Variants in DRG1 observed in about 807,000 individuals in gnomAD.
DRG1 encodes developmentally regulated GTP binding protein 1, also known as developmentally-regulated GTP-binding protein 1.
In DRG1, 19 loss-of-function variants were observed where a neutral mutation model predicts 38.8. That is an observed-to-expected ratio of 0.49 (90% CI 0.34 to 0.72). The LOEUF is 0.72. Ranked by LOEUF, DRG1 falls within the 30% of genes least tolerant of loss-of-function variation. The probability of loss-of-function intolerance (pLI) is 0.01; values close to 1 mark genes in which losing one functional copy is unlikely to be tolerated. For missense variants in DRG1, 299 were observed against 444.8 expected (o/e 0.67, Z 2.95); for synonymous variants, 167 against 157.5 (o/e 1.06, Z -0.45).
rs755430359 is a variant in DRG1 at position 31,420,369 on chromosome 22, C to T, written c.526C>T (p.Pro176Ser). The change falls in exon 5 of 9, where the codon CCC becomes TCC. Residue 176 changes from proline (P) to serine (S), a missense_variant. Physicochemically the swap from Pro to Ser is moderately conservative, Grantham distance 74. Coordinates refer to ENST00000331457, the MANE Select transcript of DRG1 (RefSeq NM_004147.4). ...EGFGIRLNSK[P>S]PNIGFKKKDK... ...CTTTGGCATTCGCTTGAACAGCAAA[C>T]CCCCCAACATTGGCTTTAAGAAGAA... The T allele has an allele frequency of 3.7e-6, 6 of 1,613,934 alleles. No individual in the cohort carries two copies. Among genetic ancestry groups the T allele is most frequent in the Non-Finnish European group, 3.4e-6 (4 of 1,180,014 alleles).
chr22:31,434,193 G>A lies in DRG1; in HGVS notation c.*222G>A, dbSNP rs2050159238. 2 of 502,932 alleles carry A rather than the reference G, an allele frequency of 4.0e-6. No homozygotes were observed. Among genetic ancestry groups the A allele is most frequent in the Non-Finnish European group, 7.3e-6 (2 of 275,586 alleles). The allele number at this position is 502,932 out of a possible 1,614,324, so 31.2% of individuals were successfully genotyped here. A position where few individuals can be genotyped will look rare whatever the true frequency, so the allele number is the denominator to read the frequency against. ...GGCTGGTCAGCTACATGCAGCTCAT[G>A]TGTCATTGTCAGAATTTGTTTTGGG... On this transcript the variant is annotated 3_prime_UTR_variant, in exon 9 of 9. Transcript: ENST00000331457.
rs139198951 is a variant in DRG1 at position 31,433,926 on chromosome 22, C to T, written c.1059C>T (p.Asp353=). 4.7e-5 allele frequency: 76 copies of T among 1,613,970 alleles called. No homozygotes were observed. The highest frequency in any genetic ancestry group is 6.0e-5 in the Non-Finnish European group (71 of 1,179,962). The part of the protein sequence containing the change: ...VKHNPQKVGK[D]HTLEDEDVIQ... ...ACAATCCTCAGAAAGTGGGTAAAGA[C>T]CATACGTTGGAGGATGAGGATGTCA... The change falls in exon 9 of 9, where the codon GAC becomes GAT. Residue 353 remains aspartate (D), a synonymous_variant. Coordinates refer to ENST00000331457, the MANE Select transcript of DRG1 (RefSeq NM_004147.4).
intron 1 of DRG1, 144 bp downstream of exon 1, chr22:31,399,869 C>G (rs1237183772): frequency 4.9e-6 from 6 of 1,216,744 alleles, no homozygotes; most frequent in Non-Finnish European, 7.1e-6. Context: ...TCCGACTGCC[C>G]TCTGCCACGA....
At chr22:31,407,658 T>C (rs2049995880) in intron 3 of DRG1, among the ~76,000 whole-genome samples, 1 of 151,098 alleles carries the variant, frequency 6.6e-6, no homozygotes, top group African/African-American at 2.4e-5. Flanking sequence ...TTTGTTTGTT[T>C]TATTTTTATT....
rs558526076 is a variant in DRG1 at position 31,424,107 on chromosome 22, A to G, written c.713+697A>G. 1.8e-3 allele frequency among the ~76,000 whole-genome samples: 262 copies of G among 149,478 alleles called. 3 individuals are homozygous for G. The South Asian group carries it at 0.029, about 16-fold the overall frequency. On this transcript the variant is annotated intron_variant, in intron 6 of 8. Transcript: ENST00000331457. ...TCGAACTCCTGACCTCAGGTGATCC[A>G]CCCCACCTCGGTCTCCCAAAGTGCT...
At chr22:31,409,998 A>C (rs2050009742) in intron 3 of DRG1, among the ~76,000 whole-genome samples, 1 of 152,090 alleles carries the variant, frequency 6.6e-6, no homozygotes, top group African/African-American at 2.4e-5. Flanking sequence ...CCGTCTTTTA[A>C]AAACAAACAA....
At chr22:31,429,078 T>C (rs2050125892) in intron 8 of DRG1, among the ~76,000 whole-genome samples, 1 of 152,152 alleles carries the variant, frequency 6.6e-6, no homozygotes, top group Admixed American at 6.6e-5. Flanking sequence ...AAAGTCCTTT[T>C]TCTCTTCAAA....
chr22:31,415,312 C>T (rs1318009558), intron 4 of DRG1, among the ~76,000 whole-genome samples: 1 of 152,184 alleles, frequency 6.6e-6, no homozygotes, highest in African/African-American at 2.4e-5. Context: ...CTGTATTGCA[C>T]AGTACAGATG....
chr22:31,413,975 A>G (rs2050031736), intron 4 of DRG1, among the ~76,000 whole-genome samples: 5 of 151,980 alleles, frequency 3.3e-5, no homozygotes, highest in Admixed American at 3.3e-4. Flanking sequence ...CTGATGGCCA[A>G]TTTATTGTCC....
chr22:31,415,037 G>T (rs1200913387), intron 4 of DRG1, among the ~76,000 whole-genome samples: 1 of 152,066 alleles, frequency 6.6e-6, no homozygotes, highest in East Asian at 1.9e-4. Context: ...TCAGCTTCCC[G>T]AGTAGCTGGG....
At chr22:31,429,702 A>G (rs58915086) in intron 8 of DRG1, among the ~76,000 whole-genome samples, 1,841 of 151,386 alleles carry the variant, frequency 0.012, 84 homozygotes, top group Admixed American at 0.071. Flanking sequence ...GCCGGAGTGC[A>G]GTGGCACGAT....
intron 4 of DRG1, among the ~76,000 whole-genome samples, chr22:31,414,203 TC>T (rs1193750115): frequency 6.6e-6 from 1 of 152,178 alleles, no homozygotes; most frequent in African/African-American, 2.4e-5. Context: ...TTCATCTAGT[TC>T]TTTGGTTTTA....
chr22:31,400,171 C>T (rs1163243308), intron 1 of DRG1, among the ~76,000 whole-genome samples: 2 of 151,950 alleles, frequency 1.3e-5, no homozygotes, highest in Middle Eastern at 3.2e-3. Context: ...CAGTGTCTAC[C>T]CTAATGACCC....
chr22:31,399,812 T>G, intron 1 of DRG1, 87 bp downstream of exon 1: 1 of 1,599,048 alleles, frequency 6.3e-7, no homozygotes, highest in Non-Finnish European at 8.6e-7. Context: ...TTGAGCCGCG[T>G]CAGGACCGGG....
chr22:31,430,650 C>T lies in DRG1; in HGVS notation c.1005-3222C>T, dbSNP rs1358729845. Among the ~76,000 whole-genome samples the T allele has an allele frequency of 2.6e-5, 4 of 152,010 alleles. No homozygotes were observed. In the East Asian group the frequency reaches 5.8e-4, roughly 22 times the overall value. On this transcript the variant is annotated intron_variant, in intron 8 of 8. Coordinates refer to ENST00000331457, the MANE Select transcript of DRG1 (RefSeq NM_004147.4). ...TCCTGACCTCGTGATCCGCCCGCCT[C>T]GGCCTCTCAAAGTGCTGGGATTACA...
At chr22:31,423,181 C>T in intron 5 of DRG1, 99 bp from the exon 6 acceptor site, 2 of 1,456,986 alleles carry the variant, frequency 1.4e-6, no homozygotes. Context: ...AATGAGTTTG[C>T]ATCTTAGCTA....
intron 2 of DRG1, 75 bp downstream of exon 2, chr22:31,400,818 A>G (rs970933717): frequency 9.3e-6 from 14 of 1,508,838 alleles, no homozygotes; most frequent in Non-Finnish European, 1.3e-5. Context: ...TGGTTTAAAA[A>G]TAACTAAAGA....
intron 3 of DRG1, among the ~76,000 whole-genome samples, chr22:31,405,069 G>A (rs534919548): frequency 6.6e-6 from 1 of 152,022 alleles, no homozygotes; most frequent in South Asian, 2.1e-4. Context: ...TGAATTATTA[G>A]TTGCTACATT....
At chr22:31,424,609 C>G (rs774074844) in intron 6 of DRG1, among the ~76,000 whole-genome samples, 1 of 143,438 alleles carries the variant, frequency 7.0e-6, no homozygotes, top group African/African-American at 2.6e-5. Context: ...AGTGATTCTT[C>G]GGCCTCAGCC....
Sources: allele counts gnomAD v4.1 joint callset (sites outside exome capture counted in the v4.1 genomes callset), GRCh38; gene constraint gnomAD v4.1.1; transcripts MANE v1.5; gene names NCBI Gene and HGNC (gene_info 2026-07-23, HGNC 2026-07-21).